The following HECW1 variants were observed in gnomAD, a reference collection of about 807,000 sequenced individuals.
HECW1 encodes E3 ubiquitin-protein ligase HECW1.
HECW1 carries 61 observed loss-of-function variants against 182.3 expected under a neutral mutation model. The ratio of observed to expected loss-of-function variants is 0.33; its 90% confidence interval spans 0.27 to 0.41. HECW1 has a LOEUF of 0.41. HECW1 is among the 10% of genes least tolerant of loss of function. The pLI, the probability that HECW1 is intolerant of heterozygous loss-of-function variation, is 1.00. For missense variants in HECW1, 1,739 were observed against 2,108.9 expected (o/e 0.82, Z 3.44); for synonymous variants, 859 against 832.6 (o/e 1.03, Z -0.55).
In HECW1 at chr7:43,165,150, G is replaced by A. The variant is rs1475148234; in HGVS notation, c.-32+50759G>A. The stretch of plus-strand genomic sequence containing the variant: ...AATAATAAAATAATGGAAATAAAAG[G>A]GATTTTAATTTTCCCTGGCATCTAT... On this transcript the variant is annotated intron_variant, in intron 2 of 29. Coordinates refer to ENST00000395891, the MANE Select transcript of HECW1 (RefSeq NM_015052.5). Among the ~76,000 whole-genome samples the A allele has an allele frequency of 2.0e-5, 3 of 152,078 alleles. No individual in the cohort carries two copies. In the East Asian group the frequency reaches 5.8e-4, roughly 29 times the overall value.
At chr7:43,138,556 G>A (rs1196009493) in intron 2 of HECW1, among the ~76,000 whole-genome samples, 4 of 152,106 alleles carry the variant, frequency 2.6e-5, no homozygotes, top group Admixed American at 2.6e-4. Flanking sequence ...TTTCTGTCTG[G>A]ATATGTACTT....
intron 5 of HECW1, among the ~76,000 whole-genome samples, chr7:43,331,730 G>A (rs935101070): frequency 2.0e-5 from 3 of 152,168 alleles, no homozygotes; most frequent in Non-Finnish European, 4.4e-5. Flanking sequence ...TGAGGTGGAC[G>A]CCATCACTGT....
chr7:43,314,986 G>T (rs933966813), intron 4 of HECW1, among the ~76,000 whole-genome samples: 1 of 152,210 alleles, frequency 6.6e-6, no homozygotes, highest in African/African-American at 2.4e-5. Context: ...CACAGGGGTA[G>T]CACAGCATTG....
intron 2 of HECW1, among the ~76,000 whole-genome samples, chr7:43,157,366 TA>T (rs1047097068): frequency 3.3e-5 from 5 of 151,416 alleles, no homozygotes; most frequent in East Asian, 1.9e-4. Context: ...GACCAAAGTA[TA>T]AAAAAAAAGT....
At chr7:43,328,825 A>G (rs1811116517) in intron 5 of HECW1, among the ~76,000 whole-genome samples, 1 of 152,226 alleles carries the variant, frequency 6.6e-6, no homozygotes, top group Non-Finnish European at 1.5e-5. Flanking sequence ...AATCGACATA[A>G]ATAAAGGGTC....
intron 2 of HECW1, among the ~76,000 whole-genome samples, chr7:43,174,194 A>G (rs1003396636): frequency 2.0e-5 from 3 of 152,066 alleles, no homozygotes; most frequent in African/African-American, 7.2e-5. Context: ...GATGTCCTAA[A>G]TATCCCTGCT....
chr7:43,239,063 G>C (rs1259079065), intron 2 of HECW1: 1 of 152,228 alleles, frequency 6.6e-6, no homozygotes, highest in Non-Finnish European at 1.5e-5. Flanking sequence ...AACTCATGCT[G>C]ATGGAATCAA....
At chr7:43,488,517 A>AAAAG (rs2078808114) in intron 17 of HECW1, among the ~76,000 whole-genome samples, 1 of 151,958 alleles carries the variant, frequency 6.6e-6, no homozygotes, top group Non-Finnish European at 1.5e-5. Context: ...GAAAAGAAAG[A>AAAAG]AAAAGAAAGA....
chr7:43,451,006 A>G (rs2077217072), intron 12 of HECW1, 77 bp downstream of exon 12: 2 of 1,011,508 alleles, frequency 2.0e-6, no homozygotes, highest in Non-Finnish European at 3.1e-6. Context: ...TTTGTGTGTA[A>G]ACATCTAAAG....
intron 2 of HECW1, among the ~76,000 whole-genome samples, chr7:43,147,906 G>A (rs1448616062): frequency 1.8e-4 from 27 of 152,162 alleles, no homozygotes; most frequent in Admixed American, 1.8e-3. Context: ...TGAGCACTAG[G>A]CCAGGTGTAT....
intron 11 of HECW1, among the ~76,000 whole-genome samples, chr7:43,445,837 T>C (rs2077038020): frequency 6.6e-6 from 1 of 152,196 alleles, no homozygotes. Flanking sequence ...TGTGCTTCTA[T>C]GTTTGTTTTA....
At chr7:43,355,365 A>G (rs1814994313) in intron 5 of HECW1, among the ~76,000 whole-genome samples, 2 of 152,222 alleles carry the variant, frequency 1.3e-5, no homozygotes, top group Non-Finnish European at 1.5e-5. Flanking sequence ...AAAAACAGTA[A>G]TACCTTTAGC....
At position 43,223,156 on chromosome 7, in the gene HECW1, G is replaced by A. The variant is rs189524575; in HGVS notation, c.-31-20719G>A. ...ATCCTGCTCCACATTCAGTTTAGCA[G>A]CAGATCCTTTGCTTTTATCATCAAG... is the stretch of plus-strand genomic sequence containing the variant. On this transcript the variant is annotated intron_variant, in intron 2 of 29. Coordinates refer to ENST00000395891, the MANE Select transcript of HECW1 (RefSeq NM_015052.5). Among the ~76,000 whole-genome samples the A allele has an allele frequency of 1.1e-3, 169 of 152,276 alleles. 1 individual carries two copies. The highest frequency in any genetic ancestry group is 2.3e-3 in the South Asian group (11 of 4,820).
In HECW1 at chr7:43,563,283, G is replaced by C. The variant is rs1054880717; in HGVS notation, c.*1357G>C. 4.3e-5 allele frequency: 9 copies of C among 210,280 alleles called. No homozygotes were observed. The highest frequency in any genetic ancestry group is 8.7e-5 in the Non-Finnish European group (9 of 103,622). 13.0% of individuals were successfully genotyped at this position (210,280 alleles called of 1,614,324 possible). A position where few individuals can be genotyped will look rare whatever the true frequency, so the allele number is the denominator to read the frequency against. On this transcript the variant is annotated 3_prime_UTR_variant, in exon 30 of 30. Transcript: ENST00000395891. Reference sequence around the variant, plus strand: ...CATGTTGTCAGAAAAACAGCTGCAGGCTCCAAAGACAGCCTAACCTCTCAA... The same window carrying C: ...CATGTTGTCAGAAAAACAGCTGCAGCCTCCAAAGACAGCCTAACCTCTCAA...
At chr7:43,361,815 CTTTTT>C (rs397890047) in intron 6 of HECW1, among the ~76,000 whole-genome samples, 6 of 77,962 alleles carry the variant, frequency 7.7e-5, no homozygotes, top group Admixed American at 6.7e-4. Flanking sequence ...AAGACTCTCT[CTTTTT>C]TTTTTTTTTT....
rs980708765 is a variant in HECW1 at position 43,274,322 on chromosome 7, A to C, written c.27+30390A>C. 5 of 953,580 alleles carry C rather than the reference A, an allele frequency of 5.2e-6. No homozygotes were observed. In the African/African-American group the frequency reaches 8.3e-5, roughly 16 times the overall value. The allele number at this position is 953,580 out of a possible 1,614,324, so 59.1% of individuals were successfully genotyped here. On this transcript the variant is annotated intron_variant, in intron 3 of 29. Coordinates refer to ENST00000395891, the MANE Select transcript of HECW1 (RefSeq NM_015052.5). ...TTTGTATCTCAGTTAAAGAAGATGAAGATGACTTCAGGCTGGATTGTCTAC... is the reference window on the plus strand; with the variant it reads ...TTTGTATCTCAGTTAAAGAAGATGACGATGACTTCAGGCTGGATTGTCTAC...
chr7:43,395,414 G>A (rs1313977451), intron 6 of HECW1, among the ~76,000 whole-genome samples: 1 of 152,186 alleles, frequency 6.6e-6, no homozygotes, highest in Non-Finnish European at 1.5e-5. Context: ...ATTTTGCAAA[G>A]GCAGCTTTAA....
chr7:43,546,826 T>C (rs1266956068), intron 26 of HECW1, among the ~76,000 whole-genome samples: 1 of 152,182 alleles, frequency 6.6e-6, no homozygotes, highest in Non-Finnish European at 1.5e-5. Flanking sequence ...TAAATCCAAA[T>C]GTGTTTGCAC....
chr7:43,250,862 C>T (rs868240608), intron 3 of HECW1, among the ~76,000 whole-genome samples: 2 of 152,204 alleles, frequency 1.3e-5, no homozygotes, highest in African/African-American at 2.4e-5. Context: ...CAGTCCTGGG[C>T]CCACCCTCTG....
Sources: gnomAD v4.1 joint callset for allele counts (sites outside exome capture counted in the v4.1 genomes callset) on GRCh38, gnomAD v4.1.1 for gene constraint, MANE v1.5 for transcripts, NCBI Gene and HGNC (gene_info 2026-07-23, HGNC 2026-07-21) for gene names.